Variants in AOPEP observed in about 807,000 individuals in gnomAD.
AOPEP encodes the protein aminopeptidase O.
In AOPEP, 77 loss-of-function variants were observed where a neutral mutation model predicts 98.1. The observed-to-expected ratio is 0.78, with a 90% CI of 0.65 to 0.95. The LOEUF is 0.95. Among genes scored for constraint, AOPEP ranks in the 40% least tolerant of loss-of-function variants. AOPEP has a pLI of 0.00. For missense variants in AOPEP, 1,024 were observed against 1,024.7 expected, an observed-to-expected ratio of 1.00 and a Z score of 0.01; for synonymous variants, 346 against 365.3, an observed-to-expected ratio of 0.95 and a Z score of 0.60.
intron 5 of AOPEP, among the ~76,000 whole-genome samples, chr9:94,833,150 G>C (rs2041100463): frequency 6.6e-6 from 1 of 150,978 alleles, no homozygotes; most frequent in African/African-American, 2.4e-5. Context: ...TGGCCAGGCT[G>C]GTCTTGAACT....
chr9:95,052,222 T>G (rs2066439028), intron 13 of AOPEP, among the ~76,000 whole-genome samples: 1 of 152,252 alleles, frequency 6.6e-6, no homozygotes, highest in African/African-American at 2.4e-5. Flanking sequence ...TATTTCAATG[T>G]GATAAACATT....
chr9:95,124,209 T>A, the AOPEP span, among the ~76,000 whole-genome samples: 2 of 151,362 alleles, frequency 1.3e-5, no homozygotes, highest in African/African-American at 4.9e-5. Context: ...GCATTGTAGT[T>A]CTCCTCTCGG....
At chr9:94,869,493 T>C (rs1410338412) in intron 5 of AOPEP, among the ~76,000 whole-genome samples, 1 of 152,240 alleles carries the variant, frequency 6.6e-6, no homozygotes, top group Non-Finnish European at 1.5e-5. Flanking sequence ...ATCTGTTGTA[T>C]TGAGTTTCCA....
intron 5 of AOPEP, among the ~76,000 whole-genome samples, chr9:94,823,915 C>T (rs772238986): frequency 7.9e-5 from 12 of 152,106 alleles, no homozygotes; most frequent in African/African-American, 1.7e-4. Flanking sequence ...AGTCACGTGA[C>T]GTTGAATTGT....
chr9:95,078,605 GAGC>G (rs1238064943), intron 14 of AOPEP, among the ~76,000 whole-genome samples: 1 of 152,236 alleles, frequency 6.6e-6, no homozygotes, highest in Non-Finnish European at 1.5e-5. Context: ...CTAAGTCTCA[GAGC>G]AGCAGCTCCT....
At chr9:94,861,010 GT>G (rs2044888639) in intron 5 of AOPEP, among the ~76,000 whole-genome samples, 1 of 152,194 alleles carries the variant, frequency 6.6e-6, no homozygotes, top group Non-Finnish European at 1.5e-5. Context: ...GCTTTTTGCG[GT>G]TTCTTTCAGC....
chr9:95,010,881 G>A (rs557014480), intron 13 of AOPEP, among the ~76,000 whole-genome samples: 1 of 152,328 alleles, frequency 6.6e-6, no homozygotes, highest in Admixed American at 6.5e-5. Flanking sequence ...AGTAATTACA[G>A]TGCTGTTAAT....
chr9:94,931,876 G>A, intron 7 of AOPEP: 1 of 1,318,462 alleles, frequency 7.6e-7, no homozygotes. Context: ...CTGCCTCTGT[G>A]GCCAGTCCTT....
intron 2 of AOPEP, chr9:94,763,483 AGTGT>A: frequency 1.2e-5 from 2 of 172,424 alleles, no homozygotes; most frequent in Non-Finnish European, 2.5e-5. Flanking sequence ...TCCAAGGGTT[AGTGT>A]GTGTGTGTGT....
chr9:95,097,855 T>C, the AOPEP span, among the ~76,000 whole-genome samples: 3 of 152,154 alleles, frequency 2.0e-5, no homozygotes, highest in Non-Finnish European at 4.4e-5. Flanking sequence ...TGTTATGTAC[T>C]TACTGTATCT....
At chr9:94,916,762 T>C (rs920917497) in intron 5 of AOPEP, among the ~76,000 whole-genome samples, 2 of 151,840 alleles carry the variant, frequency 1.3e-5, no homozygotes, top group African/African-American at 4.8e-5. Flanking sequence ...ACAATAAATA[T>C]TTGTTCATAT....
intron 5 of AOPEP, among the ~76,000 whole-genome samples, chr9:94,878,712 C>T (rs1250808101): frequency 6.6e-6 from 1 of 152,180 alleles, no homozygotes; most frequent in Non-Finnish European, 1.5e-5. Context: ...TTAATGCCAA[C>T]AGTAGTACCT....
intron 1 of AOPEP, among the ~76,000 whole-genome samples, chr9:94,730,746 T>C (rs1830330682): frequency 6.6e-6 from 1 of 152,170 alleles, no homozygotes; most frequent in African/African-American, 2.4e-5. Flanking sequence ...AGAAACTAGT[T>C]TTCAACCTTA....
chr9:94,953,948 A>G (rs984549812), intron 7 of AOPEP, among the ~76,000 whole-genome samples: 3 of 152,238 alleles, frequency 2.0e-5, no homozygotes, highest in African/African-American at 7.2e-5. Context: ...TTAAAATTTT[A>G]AAGCCAAATA....
intron 13 of AOPEP, chr9:95,021,550 G>C (rs1157563323): frequency 6.6e-6 from 1 of 152,242 alleles, no homozygotes; most frequent in African/African-American, 2.4e-5. Flanking sequence ...TGATGCCGAA[G>C]TATCTTCCAG....
intron 10 of AOPEP, among the ~76,000 whole-genome samples, chr9:94,968,919 G>A (rs753921295): frequency 2.0e-5 from 3 of 152,160 alleles, no homozygotes; most frequent in Non-Finnish European, 4.4e-5. Context: ...CTGAAGTTGA[G>A]CACATACAGA....
chr9:94,767,417 A>G (rs1314511559), intron 2 of AOPEP, among the ~76,000 whole-genome samples: 2 of 152,252 alleles, frequency 1.3e-5, no homozygotes, highest in South Asian at 2.1e-4. Context: ...GTAACAAAGC[A>G]TCTACAGAAA....
intron 5 of AOPEP, among the ~76,000 whole-genome samples, chr9:94,899,955 C>A (rs72748576): frequency 2.0e-5 from 3 of 152,150 alleles, no homozygotes; most frequent in Non-Finnish European, 2.9e-5. Context: ...ACCCCTCCCC[C>A]CCAGCCAAAT....
At chr9:95,016,270 G>A (rs1285986677) in intron 13 of AOPEP, among the ~76,000 whole-genome samples, 2 of 108,402 alleles carry the variant, frequency 1.8e-5, no homozygotes, top group East Asian at 2.6e-4. Flanking sequence ...TTTTTGAAAC[G>A]TATTCTCTAT....
Sources: allele counts gnomAD v4.1 joint callset (sites outside exome capture counted in the v4.1 genomes callset), GRCh38; gene constraint gnomAD v4.1.1; transcripts MANE v1.5; gene names NCBI Gene and HGNC (gene_info 2026-07-23, HGNC 2026-07-21).